The following KIT variants were observed in gnomAD, a reference collection of about 807,000 sequenced individuals.
KIT encodes the protein mast/stem cell growth factor receptor Kit.
In KIT, 16 loss-of-function variants were observed where a neutral mutation model predicts 105.7. The ratio of observed to expected loss-of-function variants is 0.15; its 90% CI spans 0.10 to 0.23. The LOEUF (loss-of-function observed/expected upper bound fraction) is 0.23. Among genes scored for constraint, KIT ranks in the 10% least tolerant of loss-of-function variants. KIT has a pLI of 1.00. For missense variants in KIT, 858 were observed against 1,213.8 expected, an observed-to-expected ratio of 0.71 and a Z score of 4.36; for synonymous variants, 438 against 441.1, an observed-to-expected ratio of 0.99 and a Z score of 0.09.
At chr4:54,667,761 G>A (rs983591084) in intron 1 of KIT, among the ~76,000 whole-genome samples, 1 of 152,212 alleles carries the variant, frequency 6.6e-6, no homozygotes, top group African/African-American at 2.4e-5. Context: ...AATGTAATCT[G>A]GCTAAGTAGT....
chr4:54,692,450 G>C (rs544557942), intron 1 of KIT, among the ~76,000 whole-genome samples: 16 of 152,112 alleles, frequency 1.1e-4, no homozygotes, highest in Non-Finnish European at 2.4e-4. Flanking sequence ...GCATTGGCCT[G>C]GTGTGTCTCA....
chr4:54,699,089 G>A lies in KIT; in HGVS notation c.619+524G>A, dbSNP rs574789148. The stretch of plus-strand genomic sequence containing the variant: ...TTTCGTTAGCTGGAAGATAATCTAG[G>A]TTTTAAATCTCAGAGATCATCTAAT... On this transcript the variant is annotated intron_variant, in intron 3 of 20. Coordinates refer to ENST00000288135, the MANE Select transcript of KIT (RefSeq NM_000222.3). Among the ~76,000 whole-genome samples, 6 of 152,256 alleles carry A rather than the reference G, an allele frequency of 3.9e-5. No individual in the cohort carries two copies. In the South Asian group the frequency reaches 8.3e-4, roughly 21 times the overall value.
At chr4:54,698,672 G>A in intron 3 of KIT, 107 bp downstream of exon 3, 1 of 1,218,392 alleles carries the variant, frequency 8.2e-7, no homozygotes, top group Non-Finnish European at 1.2e-6. Context: ...GGAGCTAGCT[G>A]TTCATAGTTC....
At chr4:54,707,987 A>G (rs982590499) in intron 6 of KIT, among the ~76,000 whole-genome samples, 3 of 152,180 alleles carry the variant, frequency 2.0e-5, no homozygotes, top group Non-Finnish European at 4.4e-5. Context: ...CTATTTTTCC[A>G]GTCAGGACTG....
At chr4:54,711,786 G>A (rs887543029) in intron 7 of KIT, among the ~76,000 whole-genome samples, 8 of 152,046 alleles carry the variant, frequency 5.3e-5, no homozygotes, top group Non-Finnish European at 1.2e-4. Flanking sequence ...AGCTGGTTGC[G>A]ATGATGAGTG....
At chr4:54,698,969 A>G (rs147992489) in intron 3 of KIT, among the ~76,000 whole-genome samples, 10 of 152,220 alleles carry the variant, frequency 6.6e-5, no homozygotes, top group African/African-American at 2.2e-4. Context: ...CCTTCAGCTG[A>G]TCAATTGCAA....
At chr4:54,700,113 C>T (rs1157486405) in intron 4 of KIT, among the ~76,000 whole-genome samples, 1 of 152,116 alleles carries the variant, frequency 6.6e-6, no homozygotes, top group Non-Finnish European at 1.5e-5. Context: ...ATTGTTGATA[C>T]CGTTTAGGCC....
intron 1 of KIT, among the ~76,000 whole-genome samples, chr4:54,680,323 A>G (rs936843698): frequency 6.6e-5 from 10 of 151,346 alleles, no homozygotes; most frequent in African/African-American, 2.2e-4. Flanking sequence ...ATTAGATGCC[A>G]TAAGTTAGAA....
chr4:54,699,135 G>C (rs1720285250), intron 3 of KIT, among the ~76,000 whole-genome samples: 2 of 152,148 alleles, frequency 1.3e-5, no homozygotes, highest in Non-Finnish European at 2.9e-5. Context: ...TTGGCATTCA[G>C]CTATTGAGTA....
At chr4:54,738,354 A>G (rs189672641) in intron 20 of KIT, 75 bp from the exon 21 acceptor site, 1 of 1,546,988 alleles carries the variant, frequency 6.5e-7, no homozygotes, top group East Asian at 2.2e-5. Context: ...TGTGATCTTG[A>G]CACTGTAAGT....
intron 13 of KIT, among the ~76,000 whole-genome samples, chr4:54,728,463 A>G (rs1423658202): frequency 6.6e-6 from 1 of 152,184 alleles, no homozygotes; most frequent in Non-Finnish European, 1.5e-5. Context: ...AAGGGTTAAT[A>G]TTAATTTGCA....
At chr4:54,698,980 T>A (rs1720271659) in intron 3 of KIT, among the ~76,000 whole-genome samples, 1 of 152,252 alleles carries the variant, frequency 6.6e-6, no homozygotes, top group Non-Finnish European at 1.5e-5. Context: ...TCAATTGCAA[T>A]GCATCCTCAA....
chr4:54,698,244 C>T (rs1209147383), intron 2 of KIT, 40 bp from the exon 3 acceptor site: 2 of 1,588,844 alleles, frequency 1.3e-6, no homozygotes, highest in Non-Finnish European at 1.7e-6. Flanking sequence ...GTGTCTGTGA[C>T]CAGCCATTCC....
chr4:54,695,984 C>A, intron 2 of KIT: 1 of 623,620 alleles, frequency 1.6e-6, no homozygotes, highest in Non-Finnish European at 2.8e-6. Flanking sequence ...AGCTGGAGGA[C>A]TGCAGGACTG....
At position 54,728,044 on chromosome 4, in the gene KIT, T is replaced by C. The variant is rs1331981813; in HGVS notation, c.1913T>C (p.Met638Thr). 6.2e-7 allele frequency: 1 copy of C among 1,614,108 alleles called. No individual in the cohort carries two copies. ...CATTTGACAGAACGGGAAGCCCTCA[T>C]GTCTGAACTCAAAGTCCTGAGTTAC... Reference protein sequence around the residue: ...SAHLTEREALMSELKVLSYLG... With the variant: ...SAHLTEREALTSELKVLSYLG... The change falls in exon 13 of 21, where the codon ATG becomes ACG. Residue 638 changes from methionine (M) to threonine (T), a missense_variant. Transcript: ENST00000288135.
At chr4:54,717,190 A>G (rs889178126) in intron 7 of KIT, among the ~76,000 whole-genome samples, 3 of 152,068 alleles carry the variant, frequency 2.0e-5, no homozygotes, top group African/African-American at 7.2e-5. Flanking sequence ...TTAAATTGGA[A>G]AAAAAAAGAT....
intron 7 of KIT, among the ~76,000 whole-genome samples, chr4:54,721,642 G>A (rs932288763): frequency 6.6e-6 from 1 of 152,154 alleles, no homozygotes; most frequent in Non-Finnish European, 1.5e-5. Context: ...TCTGATCTCC[G>A]CCAACTCCAG....
chr4:54,667,468 T>G (rs963394447), intron 1 of KIT, among the ~76,000 whole-genome samples: 3 of 152,142 alleles, frequency 2.0e-5, no homozygotes, highest in African/African-American at 7.2e-5. Flanking sequence ...TCCAGTCCTA[T>G]TCATTACCAT....
intron 1 of KIT, among the ~76,000 whole-genome samples, chr4:54,674,941 CATTT>C (rs1405854591): frequency 1.3e-4 from 20 of 152,180 alleles, no homozygotes; most frequent in African/African-American, 4.8e-4. Context: ...TATTAAATCA[CATTT>C]ATACTTAATA....
Sources: gnomAD v4.1 joint callset for allele counts (sites outside exome capture counted in the v4.1 genomes callset) on GRCh38, gnomAD v4.1.1 for gene constraint, MANE v1.5 for transcripts, NCBI Gene and HGNC (gene_info 2026-07-23, HGNC 2026-07-21) for gene names.